HLCS: variants seen among roughly 807,000 people sequenced by gnomAD.
HLCS encodes holocarboxylase synthetase.
Under a neutral mutation model 75.0 loss-of-function variants are expected in HLCS, and 53 were observed. That is an observed-to-expected ratio of 0.71 (90% CI 0.57 to 0.89). HLCS has a LOEUF of 0.89. Ranked by LOEUF, HLCS falls within the 40% of genes least tolerant of loss-of-function variation. HLCS has a pLI of 0.00. For missense variants in HLCS, 966 were observed against 1,074.0 expected (o/e 0.90, Z 1.41); for synonymous variants, 431 against 428.6 (o/e 1.01, Z -0.07).
rs1426336961 is a variant in HLCS, at chr21:36,888,444, AAATATATAT to A, written c.1892+8407_1892+8415del. On this transcript the variant is annotated intron_variant, in intron 6 of 10. Transcript: ENST00000674895. ...CCCCCTTCCCATTTAAAAAAAAAAA[AAATATATAT>A]ATATATATATATATATATATATATA... Among the ~76,000 whole-genome samples, 97 of 25,512 alleles carry A rather than the reference AAATATATAT, an allele frequency of 3.8e-3. 3 individuals are homozygous for A. The highest frequency in any genetic ancestry group is 5.2e-3 in the African/African-American group (29 of 5,554). 16.7% of individuals were successfully genotyped at this position (25,512 alleles called of 152,430 possible).
intron 6 of HLCS, among the ~76,000 whole-genome samples, chr21:36,845,573 C>G (rs1057187802): frequency 6.6e-6 from 1 of 152,164 alleles, no homozygotes; most frequent in African/African-American, 2.4e-5. Flanking sequence ...AGCAGGGACA[C>G]GCTCCCAGTT....
chr21:36,953,003 A>C (rs2067743828), intron 2 of HLCS, among the ~76,000 whole-genome samples: 1 of 152,182 alleles, frequency 6.6e-6, no homozygotes, highest in Admixed American at 6.5e-5. Context: ...TGCATTTTGC[A>C]GACTACCCTG....
chr21:36,952,789 C>CAAAAAAAAAAAAAA (rs35700333), intron 2 of HLCS, among the ~76,000 whole-genome samples: 1 of 48,854 alleles, frequency 2.0e-5, no homozygotes. Context: ...GACTCCGTCT[C>CAAAAAAAAAAAAAA]AAAAAAAAAA....
At chr21:36,906,850 G>T (rs151111080) in intron 5 of HLCS, among the ~76,000 whole-genome samples, 2 of 152,170 alleles carry the variant, frequency 1.3e-5, no homozygotes, top group African/African-American at 4.8e-5. Flanking sequence ...ACAGAGATAG[G>T]TATAGATTAC....
At chr21:36,795,988 T>C (rs1229185449) in intron 6 of HLCS, among the ~76,000 whole-genome samples, 1 of 152,238 alleles carries the variant, frequency 6.6e-6, no homozygotes, top group Non-Finnish European at 1.5e-5. Flanking sequence ...AAAAAATATT[T>C]TGGTGGATTT....
chr21:36,965,206 C>T (rs1248503384), intron 1 of HLCS, among the ~76,000 whole-genome samples: 1 of 152,190 alleles, frequency 6.6e-6, no homozygotes, highest in Non-Finnish European at 1.5e-5. Context: ...AGATAAGATT[C>T]AATTCCCCAC....
chr21:36,967,802 C>T (rs766064535), upstream of HLCS, among the ~76,000 whole-genome samples: 4 of 150,228 alleles, frequency 2.7e-5, no homozygotes, highest in Non-Finnish European at 4.4e-5. Flanking sequence ...TCACTGCAAG[C>T]TCTGCCTCCT....
At chr21:36,806,234 T>C (rs2061356396) in intron 6 of HLCS, 1 of 152,412 alleles carries the variant, frequency 6.6e-6, no homozygotes, top group African/African-American at 2.4e-5. Context: ...CCACCATTCA[T>C]CTCAGGAAGC....
At chr21:36,781,511 C>T (rs917123607) in intron 6 of HLCS, among the ~76,000 whole-genome samples, 2 of 151,892 alleles carry the variant, frequency 1.3e-5, no homozygotes, top group African/African-American at 2.4e-5. Context: ...TGAATATATC[C>T]CATAATTTCC....
At chr21:36,779,661 C>T (rs979275561) in intron 6 of HLCS, among the ~76,000 whole-genome samples, 27 of 152,178 alleles carry the variant, frequency 1.8e-4, no homozygotes, top group African/African-American at 5.5e-4. Flanking sequence ...TGCCCTTAGC[C>T]TGAGGGTATA....
At chr21:36,935,691 GATTTGGAGTC>G (rs2146519666) in intron 4 of HLCS, among the ~76,000 whole-genome samples, 1 of 152,264 alleles carries the variant, frequency 6.6e-6, no homozygotes, top group African/African-American at 2.4e-5. Flanking sequence ...AGGATTAAAA[GATTTGGAGTC>G]AATGACAAGG....
Position 36,765,174 on chromosome 21 carries a change from T to C in HLCS, c.1961-2A>G. 1 of 1,614,180 alleles carries C rather than the reference T, an allele frequency of 6.2e-7. No individual in the cohort carries two copies. Among genetic ancestry groups the C allele is most frequent in the South Asian group, 1.1e-5 (1 of 91,080 alleles). ...TCAGCCACACATTCCCTCCCCGTCC[T>C]GGAACACAGGCCACAGTGGGAAACA... On this transcript the variant is annotated splice_acceptor_variant, in intron 7 of 10. Transcript: ENST00000674895. LOFTEE classifies it high-confidence loss of function.
At chr21:36,860,008 C>T (rs750128246) in intron 6 of HLCS, among the ~76,000 whole-genome samples, 14 of 152,226 alleles carry the variant, frequency 9.2e-5, no homozygotes, top group Non-Finnish European at 1.5e-4. Context: ...AATATTCATG[C>T]AGAGTCCACT....
At chr21:36,909,615 C>T (rs1397593237) in intron 5 of HLCS, among the ~76,000 whole-genome samples, 1 of 152,174 alleles carries the variant, frequency 6.6e-6, no homozygotes, top group Non-Finnish European at 1.5e-5. Flanking sequence ...TGATTGGAGG[C>T]AGCGTCTTGC....
chr21:36,815,301 T>C (rs901746213), intron 6 of HLCS, among the ~76,000 whole-genome samples: 14 of 151,488 alleles, frequency 9.2e-5, no homozygotes, highest in Non-Finnish European at 5.9e-5. Flanking sequence ...AGTGCTGGGA[T>C]TGCAGGCGTG....
At chr21:36,879,023 C>A (rs1001655096) in intron 6 of HLCS, among the ~76,000 whole-genome samples, 1 of 148,300 alleles carries the variant, frequency 6.7e-6, no homozygotes, top group East Asian at 2.0e-4. Flanking sequence ...TAGTTAAGAC[C>A]GAATGGTAAA....
intron 2 of HLCS, among the ~76,000 whole-genome samples, chr21:36,946,388 T>C (rs934301113): frequency 2.4e-4 from 37 of 152,086 alleles, no homozygotes; most frequent in Non-Finnish European, 4.0e-4. Context: ...ACGACAGGCA[T>C]GCACCACTAT....
intron 6 of HLCS, among the ~76,000 whole-genome samples, chr21:36,846,592 C>T (rs1473854355): frequency 1.3e-5 from 2 of 152,060 alleles, no homozygotes; most frequent in East Asian, 3.9e-4. Context: ...CAAAAAAATT[C>T]TAAAAGAAGA....
chr21:36,939,791 G>A (rs1440336374), intron 2 of HLCS, among the ~76,000 whole-genome samples: 1 of 152,206 alleles, frequency 6.6e-6, no homozygotes, highest in African/African-American at 2.4e-5. Flanking sequence ...TCAGGGGTCT[G>A]AGGCCGAGTC....
Sources: allele counts gnomAD v4.1 joint callset (sites outside exome capture counted in the v4.1 genomes callset), GRCh38; gene constraint gnomAD v4.1.1; transcripts MANE v1.5; gene names NCBI Gene and HGNC (gene_info 2026-07-23, HGNC 2026-07-21).